The following PPP3CA variants were observed in gnomAD, a reference collection of about 807,000 sequenced individuals.
PPP3CA encodes the protein protein phosphatase 3 catalytic subunit alpha.
In PPP3CA, 14 loss-of-function variants were observed where a neutral mutation model predicts 66.5. That is an observed-to-expected ratio of 0.21 (90% CI 0.14 to 0.33). The LOEUF (loss-of-function observed/expected upper bound fraction) is 0.33. Among genes scored for constraint, PPP3CA ranks in the 10% least tolerant of loss-of-function variants. The pLI is 1.00. For synonymous variants in PPP3CA, 232 were observed against 226.2 expected (o/e 1.03, Z -0.23); for missense variants, 317 against 639.5 (o/e 0.50, Z 5.44).
chr4:101,188,054 G>A (rs1287157547), intron 2 of PPP3CA, among the ~76,000 whole-genome samples: 1 of 152,052 alleles, frequency 6.6e-6, no homozygotes, highest in African/African-American at 2.4e-5. Flanking sequence ...ACCACCAGAT[G>A]GCATCTTAAA....
At chr4:101,077,731 T>C (rs1729251734) in intron 8 of PPP3CA, among the ~76,000 whole-genome samples, 1 of 152,162 alleles carries the variant, frequency 6.6e-6, no homozygotes, top group African/African-American at 2.4e-5. Context: ...GAAACAGTTC[T>C]ACTCCCTTTC....
At chr4:101,150,362 T>C (rs1392833936) in intron 2 of PPP3CA, among the ~76,000 whole-genome samples, 1 of 152,232 alleles carries the variant, frequency 6.6e-6, no homozygotes, top group Non-Finnish European at 1.5e-5. Context: ...GGCAGTATTG[T>C]GCAGTGTGAA....
At chr4:101,072,928 T>G (rs939329194) in intron 8 of PPP3CA, among the ~76,000 whole-genome samples, 6 of 131,680 alleles carry the variant, frequency 4.6e-5, no homozygotes, top group African/African-American at 1.8e-4. Context: ...AGAGTGAGAC[T>G]CCTTCTCAAA....
At chr4:101,226,037 A>G (rs1725771639) in intron 1 of PPP3CA, among the ~76,000 whole-genome samples, 2 of 151,840 alleles carry the variant, frequency 1.3e-5, no homozygotes, top group East Asian at 3.9e-4. Context: ...GACATCCCTG[A>G]AAATTTGAAT....
chr4:101,116,210 A>G (rs1017642748), intron 2 of PPP3CA, among the ~76,000 whole-genome samples: 4 of 151,934 alleles, frequency 2.6e-5, no homozygotes, highest in African/African-American at 9.7e-5. Flanking sequence ...TTCCTTTAGA[A>G]AAGACGTTAC....
intron 2 of PPP3CA, among the ~76,000 whole-genome samples, chr4:101,128,497 C>G (rs747285275): frequency 6.6e-6 from 1 of 152,006 alleles, no homozygotes; most frequent in East Asian, 1.9e-4. Flanking sequence ...CAGCTCCCAG[C>G]GACACCAATG....
intron 1 of PPP3CA, among the ~76,000 whole-genome samples, chr4:101,256,965 G>A (rs528322371): frequency 6.6e-6 from 1 of 152,076 alleles, no homozygotes; most frequent in East Asian, 1.9e-4. Flanking sequence ...AAGAAACTGA[G>A]GCTGTGAAAG....
chr4:101,048,931 G>A (rs1466406928), intron 10 of PPP3CA, among the ~76,000 whole-genome samples: 1 of 152,078 alleles, frequency 6.6e-6, no homozygotes. Context: ...TTTCTCCTGT[G>A]TAATGGATTT....
At chr4:101,106,626 G>A (rs1037064630) in intron 3 of PPP3CA, among the ~76,000 whole-genome samples, 3 of 151,892 alleles carry the variant, frequency 2.0e-5, no homozygotes, top group African/African-American at 4.8e-5. Context: ...GGCCACATAC[G>A]AAATCACCTA....
intron 10 of PPP3CA, among the ~76,000 whole-genome samples, chr4:101,057,520 A>G (rs1182500088): frequency 2.6e-5 from 4 of 152,166 alleles, no homozygotes; most frequent in African/African-American, 4.8e-5. Context: ...TCCGATCTCT[A>G]AAGTCCTCAA....
At chr4:101,220,171 T>A (rs1010635106) in intron 1 of PPP3CA, among the ~76,000 whole-genome samples, 2 of 151,788 alleles carry the variant, frequency 1.3e-5, no homozygotes, top group African/African-American at 4.8e-5. Flanking sequence ...GAAATCAGAT[T>A]TAGTGGCCTA....
At chr4:101,301,013 C>A (rs1319876120) in intron 1 of PPP3CA, among the ~76,000 whole-genome samples, 1 of 152,074 alleles carries the variant, frequency 6.6e-6, no homozygotes, top group African/African-American at 2.4e-5. Context: ...GATTTAGGAA[C>A]AGGATTTTAC....
At chr4:101,219,006 T>C (rs999793109) in intron 1 of PPP3CA, among the ~76,000 whole-genome samples, 1 of 152,062 alleles carries the variant, frequency 6.6e-6, no homozygotes, top group Non-Finnish European at 1.5e-5. Context: ...GTTCATTCAC[T>C]AAAAAGCTTT....
At chr4:101,045,917 T>C (rs574634193) in intron 10 of PPP3CA, among the ~76,000 whole-genome samples, 2 of 152,320 alleles carry the variant, frequency 1.3e-5, no homozygotes, top group East Asian at 3.9e-4. Flanking sequence ...AACTATACAG[T>C]TCTTCAAACT....
At chr4:101,317,630 A>C (rs958977671) in intron 1 of PPP3CA, among the ~76,000 whole-genome samples, 2 of 152,212 alleles carry the variant, frequency 1.3e-5, no homozygotes, top group African/African-American at 2.4e-5. Flanking sequence ...CATACCAAAA[A>C]CTACTCGGCT....
intron 2 of PPP3CA, among the ~76,000 whole-genome samples, chr4:101,128,397 A>C (rs1006311919): frequency 3.9e-5 from 6 of 152,114 alleles, no homozygotes; most frequent in African/African-American, 1.4e-4. Context: ...ATGAATATGG[A>C]CACAATTATC....
At chr4:101,102,823 T>C (rs532844138) in intron 3 of PPP3CA, among the ~76,000 whole-genome samples, 2 of 152,324 alleles carry the variant, frequency 1.3e-5, no homozygotes, top group East Asian at 1.9e-4. Flanking sequence ...AGTGAATTAA[T>C]TGGTTAAGGT....
chr4:101,215,475 T>C (rs906878611), intron 1 of PPP3CA, among the ~76,000 whole-genome samples: 15 of 152,074 alleles, frequency 9.9e-5, no homozygotes, highest in African/African-American at 3.6e-4. Flanking sequence ...AAGCGAAAGT[T>C]TTCTATTTTT....
intron 1 of PPP3CA, among the ~76,000 whole-genome samples, chr4:101,252,278 G>A (rs149497275): frequency 7.2e-5 from 11 of 152,156 alleles, no homozygotes; most frequent in South Asian, 6.2e-4. Flanking sequence ...CATGTTAGTC[G>A]TGAAAGAACT....
Sources: gnomAD v4.1 joint callset for allele counts (sites outside exome capture counted in the v4.1 genomes callset) on GRCh38, gnomAD v4.1.1 for gene constraint, MANE v1.5 for transcripts, NCBI Gene and HGNC (gene_info 2026-07-23, HGNC 2026-07-21) for gene names.